The following KIF26B variants were observed in gnomAD, a reference collection of about 807,000 sequenced individuals.
KIF26B encodes the protein kinesin-like protein KIF26B.
In KIF26B, 63 loss-of-function variants were observed where a neutral mutation model predicts 151.2. That is an observed-to-expected ratio of 0.42 (90% CI 0.34 to 0.51). The LOEUF is 0.51. Ranked by LOEUF, KIF26B falls within the 20% of genes least tolerant of loss-of-function variation. The pLI, the probability that KIF26B is intolerant of heterozygous loss-of-function variation, is 0.07. For missense variants in KIF26B, 2,813 were observed against 2,913.6 expected, an observed-to-expected ratio of 0.97 and a Z score of 0.79; for synonymous variants, 1,357 against 1,262.1, an observed-to-expected ratio of 1.08 and a Z score of -1.59.
At chr1:245,676,735 C>G (rs540185281) in intron 10 of KIF26B, among the ~76,000 whole-genome samples, 15 of 152,208 alleles carry the variant, frequency 9.9e-5, no homozygotes, top group Non-Finnish European at 1.6e-4. Context: ...CCCATACTTG[C>G]AATGTAAAAC....
At chr1:245,473,302 G>A (rs1659953496) in intron 4 of KIF26B, among the ~76,000 whole-genome samples, 1 of 152,136 alleles carries the variant, frequency 6.6e-6, no homozygotes, top group African/African-American at 2.4e-5. Context: ...ATGGTCTCAT[G>A]GTTTTCAATT....
At chr1:245,671,392 A>G (rs1395091253) in intron 10 of KIF26B, among the ~76,000 whole-genome samples, 2 of 152,212 alleles carry the variant, frequency 1.3e-5, no homozygotes, top group African/African-American at 4.8e-5. Context: ...AAGGACAAAT[A>G]TTGTATGATT....
chr1:245,502,232 G>A (rs1417413924), intron 4 of KIF26B, among the ~76,000 whole-genome samples: 1 of 151,966 alleles, frequency 6.6e-6, no homozygotes, highest in Non-Finnish European at 1.5e-5. Flanking sequence ...ATGTTATGTT[G>A]AAAAAGAAGA....
chr1:245,684,416 G>C (rs762005449), intron 11 of KIF26B, 21 bp downstream of exon 11: 1 of 1,561,250 alleles, frequency 6.4e-7, no homozygotes, highest in African/African-American at 1.4e-5. Context: ...CGCGGGGTGG[G>C]GGGGTGGTGG....
intron 2 of KIF26B, among the ~76,000 whole-genome samples, chr1:245,240,896 G>T (rs766266183): frequency 1.2e-4 from 19 of 152,148 alleles, no homozygotes; most frequent in Non-Finnish European, 2.4e-4. Context: ...CTTGGAGAAT[G>T]AGGTGGAAAG....
chr1:245,611,345 A>G (rs574959632), intron 8 of KIF26B, among the ~76,000 whole-genome samples: 1 of 152,328 alleles, frequency 6.6e-6, no homozygotes, highest in East Asian at 1.9e-4. Flanking sequence ...CACCACTGCT[A>G]TGAGGCCTCA....
intron 5 of KIF26B, among the ~76,000 whole-genome samples, chr1:245,600,254 G>A (rs182686774): frequency 0.015 from 1,881 of 127,802 alleles, 107 homozygotes; most frequent in African/African-American, 0.049. Flanking sequence ...TAGCCAGGAT[G>A]GTCTCTATCT....
At chr1:245,271,259 G>A (rs1168702834) in intron 2 of KIF26B, among the ~76,000 whole-genome samples, 1 of 151,960 alleles carries the variant, frequency 6.6e-6, no homozygotes, top group African/African-American at 2.4e-5. Context: ...GGTTCCATGT[G>A]AATTTTAGGA....
chr1:245,602,391 A>G lies in KIF26B; in HGVS notation c.1351-186A>G, dbSNP rs2043405654. ...TCAAAATATTCTACCTGGTAATTAT[A>G]AATAAATCAGTTTTCCCGTGACCCA... On this transcript the variant is annotated intron_variant, in intron 5 of 14. Coordinates refer to ENST00000407071, the MANE Select transcript of KIF26B (RefSeq NM_018012.4). The surrounding 1 kb of genome is among the most constrained non-coding windows in gnomAD (Gnocchi z 4.5). 6.6e-6 allele frequency among the ~76,000 whole-genome samples: 1 copy of G among 152,244 alleles called. No individual in the cohort carries two copies. Among genetic ancestry groups the G allele is most frequent in the Non-Finnish European group, 1.5e-5 (1 of 68,048 alleles).
intron 2 of KIF26B, among the ~76,000 whole-genome samples, chr1:245,232,687 A>G (rs1162039644): frequency 1.3e-5 from 2 of 151,812 alleles, no homozygotes; most frequent in African/African-American, 4.8e-5. Flanking sequence ...AGTAGCTGGG[A>G]TCACAGGCAT....
chr1:245,701,955 A>C (rs2044778110), intron 14 of KIF26B, among the ~76,000 whole-genome samples: 1 of 152,224 alleles, frequency 6.6e-6, no homozygotes, highest in African/African-American at 2.4e-5. Flanking sequence ...CAGGCCTGGA[A>C]TGATACAGAC....
chr1:245,465,122 G>C (rs1452506832), intron 4 of KIF26B, among the ~76,000 whole-genome samples: 3 of 92,750 alleles, frequency 3.2e-5, no homozygotes, highest in Admixed American at 2.2e-4. Context: ...GGGACTACAG[G>C]CGCCCGCCAC....
At position 245,709,142 on chromosome 1, in the gene KIF26B, A is replaced by T. The variant is rs534018030; in HGVS notation, c.*6536A>T. ...GGTCCCAGCAGCCCCTTGGCAGGCT[A>T]GTTTTGTGCATGGGCCTTTGCAAGC... On this transcript the variant is annotated 3_prime_UTR_variant, in exon 15 of 15. Coordinates refer to ENST00000407071, the MANE Select transcript of KIF26B (RefSeq NM_018012.4). 3.9e-5 allele frequency: 6 copies of T among 152,330 alleles called. No individual in the cohort carries two copies. Among genetic ancestry groups the T allele is most frequent in the African/African-American group, 1.2e-4 (5 of 41,574 alleles). 9.4% of individuals were successfully genotyped at this position (152,330 alleles called of 1,614,324 possible).
intron 10 of KIF26B, among the ~76,000 whole-genome samples, chr1:245,651,432 T>C (rs182464014): frequency 9.7e-4 from 148 of 152,290 alleles, no homozygotes; most frequent in African/African-American, 3.4e-3. Context: ...CTGAAGGATG[T>C]GGACATTCCC....
chr1:245,452,786 C>G (rs905410678), intron 4 of KIF26B, among the ~76,000 whole-genome samples: 3 of 151,994 alleles, frequency 2.0e-5, no homozygotes, highest in Non-Finnish European at 4.4e-5. Context: ...CGTCCATTAT[C>G]TTTATATTGT....
chr1:245,338,981 A>G (rs1572011987), intron 2 of KIF26B, among the ~76,000 whole-genome samples: 1 of 145,588 alleles, frequency 6.9e-6, no homozygotes, highest in African/African-American at 2.6e-5. Context: ...TTTTGCTTTT[A>G]GGGTTTTTTT....
chr1:245,422,431 A>C (rs916463139), intron 4 of KIF26B, among the ~76,000 whole-genome samples: 4 of 152,162 alleles, frequency 2.6e-5, no homozygotes, highest in Non-Finnish European at 4.4e-5. Flanking sequence ...CCAAAGCAGA[A>C]GTGTGACTGA....
At chr1:245,389,113 GCC>G (rs1673624411) in intron 3 of KIF26B, among the ~76,000 whole-genome samples, 1 of 151,964 alleles carries the variant, frequency 6.6e-6, no homozygotes, top group Non-Finnish European at 1.5e-5. Context: ...TCTCAAAAAA[GCC>G]CATTTTCTTT....
At chr1:245,478,853 G>GGT (rs765590673) in intron 4 of KIF26B, among the ~76,000 whole-genome samples, 1 of 151,766 alleles carries the variant, frequency 6.6e-6, no homozygotes, top group Non-Finnish European at 1.5e-5. Flanking sequence ...AGACCAGGGT[G>GGT]GGAGCAGTGA....
Sources: gnomAD v4.1 joint callset for allele counts (sites outside exome capture counted in the v4.1 genomes callset) on GRCh38, gnomAD v4.1.1 for gene constraint, Gnocchi (gnomAD v3.1) non-coding constraint, MANE v1.5 for transcripts, NCBI Gene and HGNC (gene_info 2026-07-23, HGNC 2026-07-21) for gene names.